The following SAMD12 variants were observed in gnomAD, a reference collection of about 807,000 sequenced individuals.
SAMD12 encodes sterile alpha motif domain containing 12.
Under a neutral mutation model 15.0 loss-of-function variants are expected in SAMD12, and 9 were observed. The observed-to-expected ratio is 0.60, with a 90% CI of 0.36 to 1.05. The LOEUF is 1.05. SAMD12 is among the 50% of genes least tolerant of loss of function. SAMD12 has a pLI of 0.01. For missense variants in SAMD12, 230 were observed against 234.2 expected (o/e 0.98, Z 0.12); for synonymous variants, 86 against 90.1 (o/e 0.96, Z 0.25).
At chr8:118,599,933 T>A (rs141710607) in intron 1 of SAMD12, among the ~76,000 whole-genome samples, 41 of 152,188 alleles carry the variant, frequency 2.7e-4, no homozygotes, top group Admixed American at 4.6e-4. Context: ...GAAACCCAGA[T>A]CAAGACTCCC....
At chr8:118,400,365 C>T (rs1820809214) in intron 3 of SAMD12, 1 of 152,176 alleles carries the variant, frequency 6.6e-6, no homozygotes, top group African/African-American at 2.4e-5. Flanking sequence ...CTAGGACCAC[C>T]AGATTTCAAA....
chr8:118,302,078 G>GTTTTTTTTTTTTTTTT lies in SAMD12; in HGVS notation c.433+77466_433+77481dup, dbSNP rs58076997. On this transcript the variant is annotated intron_variant, in intron 4 of 4. Transcript: ENST00000409003. Reference sequence around the variant, plus strand: ...ATTTTCTAGCGCCAGATCTTTGAGAGTTTTTTTTTTTTTTTTTTTTTTTTT... The same window carrying GTTTTTTTTTTTTTTTT: ...ATTTTCTAGCGCCAGATCTTTGAGAGTTTTTTTTTTTTTTTTTTTTTTTTTTTTTTTTTTTTTTTTT... Among the ~76,000 whole-genome samples, 48 of 74,690 alleles carry GTTTTTTTTTTTTTTTT rather than the reference G, an allele frequency of 6.4e-4. 8 individuals carry two copies. The highest frequency in any genetic ancestry group is 2.7e-3 in the African/African-American group (39 of 14,296). The allele number at this position is 74,690 out of a possible 152,430, so 49.0% of individuals were successfully genotyped here. A position where few individuals can be genotyped will look rare whatever the true frequency, so the allele number is the denominator to read the frequency against.
At chr8:118,189,490 A>G (rs1055133221) in exon 5 of SAMD12, 1 of 152,202 alleles carries the variant, frequency 6.6e-6, no homozygotes, top group Non-Finnish European at 1.5e-5. Flanking sequence ...ATTTTAATAC[A>G]TTGCCATGCA....
At chr8:118,185,598 G>C (rs564975714), downstream of SAMD12, among the ~76,000 whole-genome samples, 1 of 152,214 alleles carries the variant, frequency 6.6e-6, no homozygotes, top group Non-Finnish European at 1.5e-5. Flanking sequence ...GGATAAGTTT[G>C]TACAAAATTA....
At chr8:118,156,570 A>G in the SAMD12 span, among the ~76,000 whole-genome samples, 42 of 152,194 alleles carry the variant, frequency 2.8e-4, no homozygotes, top group Non-Finnish European at 5.1e-4. Flanking sequence ...TGGCTGAAAT[A>G]CTAGTATATT....
chr8:118,209,196 G>A (rs1419625687), intron 4 of SAMD12, among the ~76,000 whole-genome samples: 1 of 152,132 alleles, frequency 6.6e-6, no homozygotes, highest in African/African-American at 2.4e-5. Flanking sequence ...AGAGGGAAAT[G>A]CAAACATTTC....
chr8:118,292,878 A>G (rs1814485392), intron 4 of SAMD12, among the ~76,000 whole-genome samples: 1 of 127,178 alleles, frequency 7.9e-6, no homozygotes, highest in African/African-American at 3.0e-5. Context: ...AGGAAGGGGA[A>G]TATCACACTC....
intron 2 of SAMD12, among the ~76,000 whole-genome samples, chr8:118,566,539 A>C (rs1204632859): frequency 6.6e-6 from 1 of 152,196 alleles, no homozygotes; most frequent in Non-Finnish European, 1.5e-5. Flanking sequence ...TGAATCTAGA[A>C]CAGTTTGTGT....
At chr8:118,396,426 G>C (rs1002286263) in intron 3 of SAMD12, among the ~76,000 whole-genome samples, 1 of 152,158 alleles carries the variant, frequency 6.6e-6, no homozygotes, top group African/African-American at 2.4e-5. Flanking sequence ...ATATAATCAT[G>C]AATATGTTCA....
chr8:118,157,148 G>T, the SAMD12 span, among the ~76,000 whole-genome samples: 1 of 152,050 alleles, frequency 6.6e-6, no homozygotes, highest in East Asian at 1.9e-4. Context: ...TTTAATTCAG[G>T]GGTAGCAATC....
chr8:118,203,965 A>G (rs1819790035), intron 4 of SAMD12, among the ~76,000 whole-genome samples: 1 of 151,668 alleles, frequency 6.6e-6, no homozygotes, highest in African/African-American at 2.4e-5. Context: ...TGAGCCAAAT[A>G]TATCACTCCC....
intron 2 of SAMD12, among the ~76,000 whole-genome samples, chr8:118,468,560 G>T (rs1156686671): frequency 1.3e-5 from 2 of 152,094 alleles, no homozygotes; most frequent in Non-Finnish European, 2.9e-5. Flanking sequence ...TGAGCTGGGA[G>T]TTGATCTTAT....
Position 118,461,163 on chromosome 8 carries a change from C to T in SAMD12, c.193-21202G>A, listed in dbSNP as rs1033144462. ...AATTAGAGTGCCTTTCCCAGTTAGG[C>T]TTAATTATTTGTATAACTATCTGCT... On this transcript the variant is annotated intron_variant, in intron 2 of 3. Coordinates refer to ENST00000314727, the MANE Select transcript of SAMD12 (RefSeq NM_207506.3). 2.0e-5 allele frequency among the ~76,000 whole-genome samples: 3 copies of T among 152,202 alleles called. No homozygotes were observed. The East Asian group carries it at 5.8e-4, about 29-fold the overall frequency.
intron 2 of SAMD12, among the ~76,000 whole-genome samples, chr8:118,543,364 T>C (rs1251375994): frequency 6.6e-6 from 1 of 152,222 alleles, no homozygotes; most frequent in Non-Finnish European, 1.5e-5. Flanking sequence ...GAGTCTCTAA[T>C]TGTTGCCTAG....
intron 4 of SAMD12, among the ~76,000 whole-genome samples, chr8:118,287,120 A>ATTTTTTTTTTTTTTTTTTTTT (rs202195351): frequency 7.5e-6 from 1 of 132,810 alleles, no homozygotes; most frequent in African/African-American, 3.0e-5. Flanking sequence ...GTAAGGAAGA[A>ATTTTTTTTTTTTTTTTTTTTT]TATTTTTTTT....
chr8:118,242,346 C>T (rs756270322), intron 4 of SAMD12, among the ~76,000 whole-genome samples: 1 of 152,080 alleles, frequency 6.6e-6, no homozygotes. Flanking sequence ...TATCTTGAAT[C>T]ACAAGAAAAT....
At chr8:118,276,748 C>T (rs894690776) in intron 4 of SAMD12, among the ~76,000 whole-genome samples, 2 of 152,160 alleles carry the variant, frequency 1.3e-5, no homozygotes, top group African/African-American at 4.8e-5. Flanking sequence ...TCTTAGCTCA[C>T]TGTAACCTCT....
the SAMD12 span, among the ~76,000 whole-genome samples, chr8:118,137,286 T>A: frequency 6.6e-6 from 1 of 152,312 alleles, no homozygotes; most frequent in Admixed American, 6.5e-5. Context: ...AAAGGAAGAC[T>A]TAGCCCCCAG....
At chr8:118,363,472 G>A (rs901241706) in intron 4 of SAMD12, among the ~76,000 whole-genome samples, 1 of 152,172 alleles carries the variant, frequency 6.6e-6, no homozygotes, top group Non-Finnish European at 1.5e-5. Flanking sequence ...CTTGAGCTGA[G>A]ACACTGGGTT....
Sources: allele counts gnomAD v4.1 joint callset (sites outside exome capture counted in the v4.1 genomes callset), GRCh38; gene constraint gnomAD v4.1.1; transcripts MANE v1.5; gene names NCBI Gene and HGNC (gene_info 2026-07-23, HGNC 2026-07-21).